Variants in VIPAS39 observed in about 807,000 individuals in gnomAD.
VIPAS39 encodes the protein spermatogenesis-defective protein 39 homolog.
In VIPAS39, 63 loss-of-function variants were observed where a neutral mutation model predicts 84.7. That is an observed-to-expected ratio of 0.74 (90% CI 0.61 to 0.92). VIPAS39 has a LOEUF of 0.92. VIPAS39 is among the 40% of genes least tolerant of loss of function. VIPAS39 has a pLI of 0.00. For synonymous variants in VIPAS39, 192 were observed against 216.5 expected (o/e 0.89, Z 0.99); for missense variants, 499 against 604.5 (o/e 0.83, Z 1.83).
chr14:77,453,062 T>G (rs1041052230), intron 3 of VIPAS39, among the ~76,000 whole-genome samples: 2 of 152,144 alleles, frequency 1.3e-5, no homozygotes, highest in Admixed American at 1.3e-4. Flanking sequence ...CAAATGAGAA[T>G]GAAATAGCCA....
At chr14:77,433,493 G>A (rs1250856348) in intron 16 of VIPAS39, among the ~76,000 whole-genome samples, 2 of 152,132 alleles carry the variant, frequency 1.3e-5, no homozygotes, top group East Asian at 1.9e-4. Flanking sequence ...GAGCCACCGC[G>A]CCCAGCCCAA....
At chr14:77,437,092 A>C (rs978293388) in intron 12 of VIPAS39, among the ~76,000 whole-genome samples, 1 of 152,214 alleles carries the variant, frequency 6.6e-6, no homozygotes, top group African/African-American at 2.4e-5. Flanking sequence ...GATATAATCA[A>C]ATTTCTAAAC....
chr14:77,427,355 C>CA lies in VIPAS39; in HGVS notation c.*260_*261insT. The CA allele has an allele frequency of 1.8e-6, 1 of 543,452 alleles. No homozygotes were observed. The highest frequency in any genetic ancestry group is 2.2e-5 in the South Asian group (1 of 45,438). 33.7% of individuals were successfully genotyped at this position (543,452 alleles called of 1,614,324 possible). A position where few individuals can be genotyped will look rare whatever the true frequency, so the allele number is the denominator to read the frequency against. On this transcript the variant is annotated 3_prime_UTR_variant, in exon 20 of 20. Coordinates refer to ENST00000557658, the MANE Select transcript of VIPAS39 (RefSeq NM_001193315.2). ...AGATCTTACCCAGTAGGGGCCCAATCTAGAAATCACTCCCACCTTCATATG... is the reference window on the plus strand; with the variant it reads ...AGATCTTACCCAGTAGGGGCCCAATCATAGAAATCACTCCCACCTTCATATG...
Position 77,444,352 on chromosome 14 carries a change from A to G in VIPAS39, c.505-11T>C, listed in dbSNP as rs1594912757. On this transcript the variant is annotated splice_polypyrimidine_tract_variant and intron_variant, in intron 7 of 19. Coordinates refer to ENST00000557658, the MANE Select transcript of VIPAS39 (RefSeq NM_001193315.2). ...CTCTAGTGAGCAAACCTGGCAGAAT[A>G]ACACTAGAATTAGTACACAAGAAGA... 2.5e-6 allele frequency: 4 copies of G among 1,608,976 alleles called. No individual in the cohort carries two copies. Among genetic ancestry groups the G allele is most frequent in the Non-Finnish European group, 3.4e-6 (4 of 1,175,644 alleles).
intron 7 of VIPAS39, among the ~76,000 whole-genome samples, chr14:77,444,570 C>T (rs1180990030): frequency 6.6e-6 from 1 of 152,146 alleles, no homozygotes; most frequent in East Asian, 1.9e-4. Context: ...ATAAAGTCAA[C>T]AGAAATCACT....
chr14:77,431,693 A>T (rs1025551720), intron 16 of VIPAS39, among the ~76,000 whole-genome samples: 2 of 152,158 alleles, frequency 1.3e-5, no homozygotes, highest in Non-Finnish European at 2.9e-5. Context: ...TAAAAATAAA[A>T]ATAGAACTAT....
chr14:77,429,598 G>A, intron 17 of VIPAS39, 83 bp downstream of exon 17: 1 of 1,373,438 alleles, frequency 7.3e-7, no homozygotes, highest in Non-Finnish European at 1.0e-6. Flanking sequence ...GAGCAGATCG[G>A]GTCTCCCATC....
intron 6 of VIPAS39, 141 bp from the exon 7 acceptor site, chr14:77,448,691 A>G (rs2078836293): frequency 1.1e-6 from 1 of 909,320 alleles, no homozygotes; most frequent in East Asian, 2.7e-5. Context: ...AAAATGAAGA[A>G]ATGGGACGGT....
Position 77,429,091 on chromosome 14 carries a change from A to G in VIPAS39, c.1271T>C (p.Leu424Ser). The stretch of plus-strand genomic sequence containing the variant: ...TTCCACCAGATTGACATACTCCTGT[A>G]ATATCTGTGGGAAGAGGTACTTCCG... ...LHKNNAPVQI[L>S]QEYVNLVEDV... Residue 424 changes from leucine (L) to serine (S), a missense_variant, in exon 18 of 20, where the codon TTA (leucine) becomes TCA (serine). By Grantham distance (145) the Leu-to-Ser change is moderately radical. Coordinates refer to ENST00000557658, the MANE Select transcript of VIPAS39 (RefSeq NM_001193315.2). 1 of 1,613,542 alleles carries G rather than the reference A, an allele frequency of 6.2e-7. No individual in the cohort carries two copies. The highest frequency in any genetic ancestry group is 8.5e-7 in the Non-Finnish European group (1 of 1,179,578).
At chr14:77,453,261 C>G (rs907396976) in intron 3 of VIPAS39, 38 bp downstream of exon 3, 1 of 1,595,650 alleles carries the variant, frequency 6.3e-7, no homozygotes, top group East Asian at 2.2e-5. Flanking sequence ...GATAAGAATC[C>G]TCAACATCTA....
Position 77,434,323 on chromosome 14 carries a change from G to T in VIPAS39, c.1048-20C>A. 6.2e-7 allele frequency: 1 copy of T among 1,613,554 alleles called. No homozygotes were observed. Among genetic ancestry groups the T allele is most frequent in the South Asian group, 1.1e-5 (1 of 91,074 alleles). On this transcript the variant is annotated intron_variant, in intron 14 of 19. Coordinates refer to ENST00000557658, the MANE Select transcript of VIPAS39 (RefSeq NM_001193315.2). Reference sequence around the variant, plus strand: ...TGTCCCCTAGGATGAAAGTGAAAAAGGAACTTTAGTGATATTGACTTTCCC... The same window carrying T: ...TGTCCCCTAGGATGAAAGTGAAAAATGAACTTTAGTGATATTGACTTTCCC...
chr14:77,438,226 ATTTTT>A (rs34877078), intron 11 of VIPAS39, among the ~76,000 whole-genome samples: 1 of 132,018 alleles, frequency 7.6e-6, no homozygotes, highest in Non-Finnish European at 1.7e-5. Flanking sequence ...AATATGGAAA[ATTTTT>A]TTTTTTTTTT....
At chr14:77,456,409 A>G (rs1400963203) in intron 1 of VIPAS39, among the ~76,000 whole-genome samples, 1 of 152,250 alleles carries the variant, frequency 6.6e-6, no homozygotes, top group Non-Finnish European at 1.5e-5. Flanking sequence ...TGTATAGAAC[A>G]TATAAATGTC....
At chr14:77,427,738 A>C (rs1410412744) in intron 19 of VIPAS39, 102 bp from the exon 20 acceptor site, 9 of 1,489,514 alleles carry the variant, frequency 6.0e-6, no homozygotes, top group African/African-American at 4.1e-5. Flanking sequence ...AGATAATGTA[A>C]GGAAAAGAAA....
Position 77,442,604 on chromosome 14 carries a change from G to C in VIPAS39, c.690C>G (p.Phe230Leu), listed in dbSNP as rs1250956203. The change falls in exon 10 of 20, where the codon TTC becomes TTG. Residue 230 changes from phenylalanine (F) to leucine (L), a missense_variant. Coordinates refer to ENST00000557658, the MANE Select transcript of VIPAS39 (RefSeq NM_001193315.2). ...ACTTTTGATCCCCTATTTCCTTAAG[G>C]AAGTGAATAAGATGTCTCAGGGCAA... ...RQVALRHLIH[F>L]LKEIGDQKLL... 1 of 1,614,176 alleles carries C rather than the reference G, an allele frequency of 6.2e-7. No homozygotes were observed. The highest frequency in any genetic ancestry group is 1.7e-5 in the Admixed American group (1 of 60,026).
intron 7 of VIPAS39, 23 bp downstream of exon 7, chr14:77,448,471 T>C (rs753538953): frequency 2.0e-5 from 32 of 1,613,594 alleles, no homozygotes; most frequent in Non-Finnish European, 2.5e-5. Flanking sequence ...CCAAAGAACC[T>C]CACAAAAATT....
intron 12 of VIPAS39, among the ~76,000 whole-genome samples, chr14:77,436,750 T>C (rs2078618279): frequency 6.6e-6 from 1 of 152,134 alleles, no homozygotes; most frequent in African/African-American, 2.4e-5. Context: ...GCCACATTAT[T>C]GTTATACATG....
At chr14:77,430,721 A>G (rs1380152824) in intron 16 of VIPAS39, among the ~76,000 whole-genome samples, 3 of 93,304 alleles carry the variant, frequency 3.2e-5, no homozygotes, top group Non-Finnish European at 4.8e-5. Flanking sequence ...TGTCTCAAAA[A>G]AGAAAAAAAA....
rs2139736521 is a variant in VIPAS39 at position 77,429,775 on chromosome 14, A to G, written c.1180-8T>C. On this transcript the variant is annotated splice_polypyrimidine_tract_variant and splice_region_variant and intron_variant, in intron 16 of 19. Coordinates refer to ENST00000557658, the MANE Select transcript of VIPAS39 (RefSeq NM_001193315.2). Reference sequence around the variant, plus strand: ...GGTATAGCCCAGCCAGTTCTGAAAGAGGAAGATGGGGTAGCGGCAGGTAGG... The same window carrying G: ...GGTATAGCCCAGCCAGTTCTGAAAGGGGAAGATGGGGTAGCGGCAGGTAGG... 6.2e-7 allele frequency: 1 copy of G among 1,614,006 alleles called. No individual in the cohort carries two copies. The highest frequency in any genetic ancestry group is 8.5e-7 in the Non-Finnish European group (1 of 1,179,824).
Sources: allele counts gnomAD v4.1 joint callset (sites outside exome capture counted in the v4.1 genomes callset), GRCh38; gene constraint gnomAD v4.1.1; transcripts MANE v1.5; gene names NCBI Gene and HGNC (gene_info 2026-07-23, HGNC 2026-07-21).